KLKB1: variants seen among roughly 807,000 people sequenced by gnomAD.
KLKB1 encodes kallikrein B1, also known as plasma kallikrein.
KLKB1 carries 58 observed loss-of-function variants against 73.6 expected under a neutral mutation model. The ratio of observed to expected loss-of-function variants is 0.79; its 90% CI spans 0.64 to 0.98. The LOEUF is 0.98. Among genes scored for constraint, KLKB1 ranks in the 50% least tolerant of loss-of-function variants. The pLI, the probability that KLKB1 is intolerant of heterozygous loss-of-function variation, is 0.00. For synonymous variants in KLKB1, 280 were observed against 258.1 expected, an observed-to-expected ratio of 1.08 and a Z score of -0.81; for missense variants, 737 against 763.8, an observed-to-expected ratio of 0.96 and a Z score of 0.41.
rs186254196 is a variant in KLKB1 at position 186,252,131 on chromosome 4, G to T, written c.1259G>T (p.Gly420Val). ...VKLTAQRHLC[G>V]GSLIGHQWVL... ...CTGACAGCTCAGAGGCACCTGTGTG[G>T]AGGGTCACTCATAGGACACCAGTGG... The change falls in exon 11 of 15, where the codon GGA (glycine) becomes GTA (valine). Residue 420 changes from glycine (G) to valine (V), a missense_variant. Gly to Val is a moderately radical substitution (Grantham distance 109). Coordinates refer to ENST00000264690, the MANE Select transcript of KLKB1 (RefSeq NM_000892.5). 2 of 1,614,000 alleles carry T rather than the reference G, an allele frequency of 1.2e-6. No individual in the cohort carries two copies. Among genetic ancestry groups the T allele is most frequent in the Non-Finnish European group, 1.7e-6 (2 of 1,180,034 alleles).
Position 186,251,336 on chromosome 4 carries a change from G to T in KLKB1, c.868+8G>T, listed in dbSNP as rs755086870. On this transcript the variant is annotated splice_region_variant and intron_variant, in intron 8 of 14. Coordinates refer to ENST00000264690, the MANE Select transcript of KLKB1 (RefSeq NM_000892.5). ...GCAAAAGAACTTTACCTGGTAATGT[G>T]ATTTGATAATAATATTACATAAAAT... 1.9e-6 allele frequency: 3 copies of T among 1,555,794 alleles called. No homozygotes were observed. The highest frequency in any genetic ancestry group is 1.8e-6 in the Non-Finnish European group (2 of 1,126,956).
At chr4:186,219,163 G>A (rs530980084) in intron 2 of KLKB1, among the ~76,000 whole-genome samples, 2 of 152,062 alleles carry the variant, frequency 1.3e-5, no homozygotes, top group African/African-American at 4.8e-5. Context: ...TTGAGGGTGG[G>A]TCTGCCTCTC....
chr4:186,251,373 C>T (rs1157527147), intron 8 of KLKB1, 45 bp downstream of exon 8: 1 of 1,519,434 alleles, frequency 6.6e-7, no homozygotes, highest in East Asian at 2.3e-5. Context: ...TAACCTATTT[C>T]ATGACTTTTA....
intron 5 of KLKB1, among the ~76,000 whole-genome samples, chr4:186,237,768 G>C (rs4253255): frequency 0.56 from 84,988 of 151,854 alleles, 24,149 homozygotes; most frequent in East Asian, 0.68. Context: ...TCCATCACTG[G>C]AGTCATGTAC....
intron 4 of KLKB1, 115 bp from the exon 5 acceptor site, chr4:186,236,666 T>A (rs1413718622): frequency 1.6e-5 from 15 of 931,866 alleles, no homozygotes; most frequent in Non-Finnish European, 2.6e-5. Context: ...AATATAGCAG[T>A]TGCCAAAACT....
chr4:186,237,564 T>A (rs954367255), intron 5 of KLKB1, among the ~76,000 whole-genome samples: 1 of 152,200 alleles, frequency 6.6e-6, no homozygotes, highest in African/African-American at 2.4e-5. Flanking sequence ...AAAAGCCCAT[T>A]TCTGAGCATT....
At chr4:186,249,867 TAAAGA>T (rs1230269317) in intron 6 of KLKB1, among the ~76,000 whole-genome samples, 1 of 152,086 alleles carries the variant, frequency 6.6e-6, no homozygotes, top group Non-Finnish European at 1.5e-5. Context: ...CACTTCTTAT[TAAAGA>T]ATTTTTTATA....
At chr4:186,228,925 A>C (rs1737268413) in intron 2 of KLKB1, 1 of 152,256 alleles carries the variant, frequency 6.6e-6, no homozygotes, top group Non-Finnish European at 1.5e-5. Context: ...TGGTGACTTA[A>C]GAGGGCCACA....
intron 3 of KLKB1, 42 bp from the exon 4 acceptor site, chr4:186,233,910 G>A: frequency 7.3e-7 from 1 of 1,362,924 alleles, no homozygotes; most frequent in Non-Finnish European, 1.1e-6. Flanking sequence ...CTCAATGTAT[G>A]TTTATTATTC....
chr4:186,252,223 G>C, intron 11 of KLKB1, 38 bp downstream of exon 11: 1 of 1,604,920 alleles, frequency 6.2e-7, no homozygotes, highest in Non-Finnish European at 8.5e-7. Flanking sequence ...GTCTTATCTT[G>C]GCTTTTCATT....
intron 6 of KLKB1, among the ~76,000 whole-genome samples, chr4:186,247,999 G>C (rs1738445873): frequency 1.3e-5 from 2 of 152,184 alleles, no homozygotes; most frequent in Admixed American, 1.3e-4. Flanking sequence ...TGTAATCCCA[G>C]CACTTTGGGA....
intron 4 of KLKB1, among the ~76,000 whole-genome samples, chr4:186,236,260 T>C (rs929663363): frequency 3.3e-5 from 5 of 152,342 alleles, no homozygotes; most frequent in Admixed American, 2.6e-4. Flanking sequence ...GGAAGTGGTT[T>C]CATCATGCGT....
At chr4:186,232,425 G>C (rs963552557) in intron 3 of KLKB1, 136 bp downstream of exon 3, 10 of 797,830 alleles carry the variant, frequency 1.3e-5, no homozygotes, top group African/African-American at 3.4e-5. Context: ...CCCGTCAAGT[G>C]GTTCTTACAA....
intron 3 of KLKB1, among the ~76,000 whole-genome samples, chr4:186,233,026 T>C (rs1309639681): frequency 6.6e-6 from 1 of 152,170 alleles, no homozygotes; most frequent in East Asian, 1.9e-4. Flanking sequence ...GCGATTCTCC[T>C]GCCTCAGCCT....
At chr4:186,238,444 G>A in intron 6 of KLKB1, 79 bp downstream of exon 6, 1 of 979,576 alleles carries the variant, frequency 1.0e-6, no homozygotes, top group South Asian at 1.3e-5. Context: ...GCTGAGCCCT[G>A]GGACCTGTGC....
chr4:186,225,374 C>G (rs2126618283), upstream of KLKB1, among the ~76,000 whole-genome samples: 1 of 150,696 alleles, frequency 6.6e-6, no homozygotes, highest in South Asian at 2.1e-4. Flanking sequence ...TGAAGAATTG[C>G]TTTTCTCTTG....
At chr4:186,222,648 T>G (rs11132382), upstream of KLKB1, among the ~76,000 whole-genome samples, 85,284 of 152,030 alleles carry the variant, frequency 0.56, 24,284 homozygotes, top group East Asian at 0.68. Flanking sequence ...TTAATACTTT[T>G]GTTTTTTAAC....
At chr4:186,231,150 C>T (rs1440236051) in intron 2 of KLKB1, among the ~76,000 whole-genome samples, 2 of 152,102 alleles carry the variant, frequency 1.3e-5, no homozygotes, top group African/African-American at 2.4e-5. Flanking sequence ...CTAAGCTGCC[C>T]ACTCCCTCAA....
chr4:186,230,294 G>A (rs1414812307), intron 2 of KLKB1, among the ~76,000 whole-genome samples: 1 of 152,056 alleles, frequency 6.6e-6, no homozygotes, highest in Non-Finnish European at 1.5e-5. Flanking sequence ...TTTTAACTTG[G>A]CTATATTTGT....
Sources: gnomAD v4.1 joint callset for allele counts (sites outside exome capture counted in the v4.1 genomes callset) on GRCh38, gnomAD v4.1.1 for gene constraint, MANE v1.5 for transcripts, NCBI Gene and HGNC (gene_info 2026-07-23, HGNC 2026-07-21) for gene names.